Variants in GLIS3 observed in about 807,000 individuals in gnomAD.
The protein encoded by GLIS3 is zinc finger protein GLIS3.
In GLIS3, 53 loss-of-function variants were observed where a neutral mutation model predicts 78.6. That is an observed-to-expected ratio of 0.67 (90% confidence interval 0.54 to 0.85). The LOEUF (loss-of-function observed/expected upper bound fraction) is 0.85. Ranked by LOEUF, GLIS3 falls within the 40% of genes least tolerant of loss-of-function variation. The pLI is 0.00. For missense variants in GLIS3, 1,703 were observed against 1,231.1 expected (o/e 1.38, Z -5.74); for synonymous variants, 684 against 509.9 (o/e 1.34, Z -4.60).
chr9:4,180,114 GGA>G (rs1817173073), intron 2 of GLIS3, among the ~76,000 whole-genome samples: 1 of 152,062 alleles, frequency 6.6e-6, no homozygotes, highest in African/African-American at 2.4e-5. Context: ...GCTGAGCTGG[GGA>G]GAGTCAGTGA....
At chr9:4,246,592 C>G (rs1292833013) in intron 2 of GLIS3, among the ~76,000 whole-genome samples, 1 of 152,162 alleles carries the variant, frequency 6.6e-6, no homozygotes, top group Non-Finnish European at 1.5e-5. Context: ...ATTACTGCAG[C>G]AAAGCATTTT....
intron 4 of GLIS3, among the ~76,000 whole-genome samples, chr9:4,066,357 A>T (rs770130542): frequency 6.6e-5 from 10 of 152,054 alleles, no homozygotes; most frequent in Non-Finnish European, 8.8e-5. Context: ...TGGAGTGCAT[A>T]TTCCTGTCTT....
intron 4 of GLIS3, among the ~76,000 whole-genome samples, chr9:4,001,613 CA>C (rs1433644965): frequency 2.0e-5 from 3 of 152,140 alleles, no homozygotes; most frequent in African/African-American, 2.4e-5. Context: ...AAAAAATTCC[CA>C]AGGAAGATTT....
intron 4 of GLIS3, among the ~76,000 whole-genome samples, chr9:4,110,575 T>A (rs1431318828): frequency 1.3e-5 from 2 of 152,074 alleles, no homozygotes; most frequent in African/African-American, 4.8e-5. Flanking sequence ...TATGCCAACC[T>A]CCTATATGAG....
chr9:3,987,663 C>T (rs1239880488), intron 4 of GLIS3, among the ~76,000 whole-genome samples: 1 of 148,704 alleles, frequency 6.7e-6, no homozygotes, highest in Non-Finnish European at 1.5e-5. Context: ...CGCCACTGCA[C>T]CCCAGTCTGG....
chr9:4,160,613 A>G (rs1035418610), intron 2 of GLIS3, among the ~76,000 whole-genome samples: 2 of 152,208 alleles, frequency 1.3e-5, no homozygotes, highest in Non-Finnish European at 2.9e-5. Context: ...CTTGTTTGAC[A>G]GTTTTGTCTT....
chr9:4,481,826 C>G, the GLIS3 span, among the ~76,000 whole-genome samples: 1 of 152,138 alleles, frequency 6.6e-6, no homozygotes, highest in African/African-American at 2.4e-5. Flanking sequence ...TACTAATTGC[C>G]TAACTGTCCT....
intron 2 of GLIS3, among the ~76,000 whole-genome samples, chr9:4,323,427 A>C (rs1271543644): frequency 6.6e-6 from 1 of 152,106 alleles, no homozygotes; most frequent in East Asian, 1.9e-4. Context: ...ACCCAATGTT[A>C]TGTTGTCTGT....
At position 4,103,852 on chromosome 9, in the gene GLIS3, AC is replaced by A. The variant is rs538586518; in HGVS notation, c.1710+13915del. On this transcript the variant is annotated intron_variant, in intron 4 of 10. Transcript: ENST00000381971. ...ATTGATGGCAGGCTAACTTGGAACA[AC>A]CTCTTCAATTCCACCTTGTTGCTTT... Among the ~76,000 whole-genome samples the A allele has an allele frequency of 9.2e-4, 140 of 152,224 alleles. 1 individual carries two copies. Among genetic ancestry groups the A allele is most frequent in the East Asian group, 1.7e-3 (9 of 5,180 alleles).
intron 2 of GLIS3, among the ~76,000 whole-genome samples, chr9:4,249,372 C>G (rs1402122587): frequency 6.6e-6 from 1 of 152,062 alleles, no homozygotes; most frequent in African/African-American, 2.4e-5. Flanking sequence ...GTATTTTATC[C>G]TCTTTGTAGC....
the GLIS3 span, among the ~76,000 whole-genome samples, chr9:4,409,836 T>C: frequency 2.0e-5 from 3 of 152,338 alleles, no homozygotes; most frequent in Admixed American, 1.3e-4. Flanking sequence ...TTGCTTGTTA[T>C]TGGCTAGTTC....
At chr9:4,198,111 G>A (rs991411700) in intron 2 of GLIS3, among the ~76,000 whole-genome samples, 2 of 152,094 alleles carry the variant, frequency 1.3e-5, no homozygotes, top group Non-Finnish European at 1.5e-5. Flanking sequence ...ATGTAGTAAC[G>A]CCACCAAAGA....
In GLIS3 at chr9:3,918,092, G is replaced by C. The variant is rs1012291094; in HGVS notation, c.1983+14268C>G. 2.6e-5 allele frequency among the ~76,000 whole-genome samples: 4 copies of C among 152,154 alleles called. No individual in the cohort carries two copies. The East Asian group carries it at 5.8e-4, about 22-fold the overall frequency. ...AACAAATGTGGATGAAAATGTTTAG[G>C]GCTAAATGCAGACTGGCAAGATAGA... On this transcript the variant is annotated intron_variant, in intron 6 of 10. Coordinates refer to ENST00000381971, the MANE Select transcript of GLIS3 (RefSeq NM_001042413.2).
At chr9:4,042,706 A>T (rs1450275110) in intron 4 of GLIS3, among the ~76,000 whole-genome samples, 1 of 152,224 alleles carries the variant, frequency 6.6e-6, no homozygotes, top group Non-Finnish European at 1.5e-5. Context: ...ATAACAAAAC[A>T]AAACTCCCAA....
At chr9:4,041,896 G>C (rs1022914342) in intron 4 of GLIS3, among the ~76,000 whole-genome samples, 5 of 152,044 alleles carry the variant, frequency 3.3e-5, no homozygotes, top group Non-Finnish European at 5.9e-5. Flanking sequence ...CCTATATCCA[G>C]GTGTACTCTT....
intron 4 of GLIS3, chr9:3,975,167 T>C (rs1311772227): frequency 1.3e-5 from 2 of 152,194 alleles, no homozygotes; most frequent in Non-Finnish European, 2.9e-5. Flanking sequence ...TTGGTGAGTC[T>C]AGCCCTATGA....
the GLIS3 span, among the ~76,000 whole-genome samples, chr9:4,469,605 C>T: frequency 4.1e-4 from 63 of 152,280 alleles, no homozygotes; most frequent in East Asian, 8.9e-3. Context: ...AAAGACACAA[C>T]ATACCAGAAT....
chr9:3,950,807 TG>T (rs1037674612), intron 4 of GLIS3, among the ~76,000 whole-genome samples: 6 of 152,306 alleles, frequency 3.9e-5, no homozygotes, highest in Admixed American at 2.0e-4. Flanking sequence ...ACAAGTGACT[TG>T]TTAAAAATTA....
chr9:4,169,042 C>T (rs558747626), intron 2 of GLIS3, among the ~76,000 whole-genome samples: 1 of 152,218 alleles, frequency 6.6e-6, no homozygotes, highest in African/African-American at 2.4e-5. Context: ...CACAGATCAT[C>T]ACCACCAGCT....
Sources: gnomAD v4.1 joint callset for allele counts (sites outside exome capture counted in the v4.1 genomes callset) on GRCh38, gnomAD v4.1.1 for gene constraint, MANE v1.5 for transcripts, NCBI Gene and HGNC (gene_info 2026-07-23, HGNC 2026-07-21) for gene names.